Variants in DDHD1 observed in about 807,000 individuals in gnomAD.
DDHD1 encodes phospholipase DDHD1.
A neutral mutation model predicts 96.4 loss-of-function variants in DDHD1; 49 were observed. That is an observed-to-expected ratio of 0.51 (90% CI 0.40 to 0.64). The LOEUF is 0.64. Ranked by LOEUF, DDHD1 falls within the 30% of genes least tolerant of loss-of-function variation. DDHD1 has a pLI of 0.00. For synonymous variants in DDHD1, 442 were observed against 446.5 expected (o/e 0.99, Z 0.13); for missense variants, 1,106 against 1,161.2 (o/e 0.95, Z 0.69).
At chr14:53,066,341 G>A (rs1319525321) in intron 6 of DDHD1, among the ~76,000 whole-genome samples, 1 of 151,938 alleles carries the variant, frequency 6.6e-6, no homozygotes, top group Non-Finnish European at 1.5e-5. Flanking sequence ...TAGTAGAGAC[G>A]GGGTTTCACC....
chr14:53,092,963 TAA>T (rs1369697341), intron 3 of DDHD1: 1 of 162,432 alleles, frequency 6.2e-6, no homozygotes, highest in Non-Finnish European at 1.3e-5. Flanking sequence ...TCAATCCATC[TAA>T]GTCACCAGTG....
At chr14:53,061,050 T>A in intron 8 of DDHD1, 76 bp downstream of exon 8, 2 of 1,264,256 alleles carry the variant, frequency 1.6e-6, no homozygotes, top group Non-Finnish European at 1.1e-6. Flanking sequence ...TTCATTTGAA[T>A]CCTAAAGGCA....
chr14:53,067,139 G>C (rs974874463), intron 6 of DDHD1, among the ~76,000 whole-genome samples: 4 of 151,298 alleles, frequency 2.6e-5, no homozygotes, highest in African/African-American at 9.7e-5. Context: ...TGGGAGATCC[G>C]GGAAACTATT....
rs539711750 is a variant in DDHD1 at position 53,140,478 on chromosome 14, C to T, written c.838+11783G>A. Among the ~76,000 whole-genome samples, 4 of 152,304 alleles carry T rather than the reference C, an allele frequency of 2.6e-5. No individual in the cohort carries two copies. In the East Asian group the frequency reaches 5.8e-4, roughly 22 times the overall value. ...CCTGGGAGGTGGAGGTTGCAGTGAG[C>T]TGAGATTGTGCCACTGCACTCCAGC... On this transcript the variant is annotated intron_variant, in intron 1 of 12. Coordinates refer to ENST00000673822, the MANE Select transcript of DDHD1 (RefSeq NM_001160148.2).
chr14:53,102,730 C>T (rs1887401272), intron 2 of DDHD1, among the ~76,000 whole-genome samples: 1 of 151,850 alleles, frequency 6.6e-6, no homozygotes, highest in Admixed American at 6.6e-5. Context: ...AAAAAATCCC[C>T]TGCCAACTTA....
At chr14:53,092,156 G>A in intron 3 of DDHD1, 2 of 345,640 alleles carry the variant, frequency 5.8e-6, no homozygotes, top group East Asian at 8.6e-5. Flanking sequence ...AGAAATGGAA[G>A]GAAAGAAGGA....
intron 1 of DDHD1, among the ~76,000 whole-genome samples, chr14:53,135,800 C>T (rs1890194027): frequency 6.6e-6 from 1 of 152,204 alleles, no homozygotes; most frequent in Non-Finnish European, 1.5e-5. Flanking sequence ...CCTTAAATAA[C>T]TAGAAAATCA....
At chr14:53,067,182 G>A (rs1479072008) in intron 6 of DDHD1, among the ~76,000 whole-genome samples, 1 of 149,598 alleles carries the variant, frequency 6.7e-6, no homozygotes, top group Non-Finnish European at 1.5e-5. Context: ...TAAATGAGAT[G>A]GGCTCTCCCT....
intron 4 of DDHD1, among the ~76,000 whole-genome samples, chr14:53,091,038 C>A (rs1373186424): frequency 4.6e-5 from 7 of 152,078 alleles, no homozygotes; most frequent in Admixed American, 1.3e-4. Context: ...AGGACTCAAG[C>A]CTTTATAAGC....
Position 53,093,443 on chromosome 14 carries a change from A to C in DDHD1, c.1014T>G (p.Ala338=). The change falls in exon 3 of 13, where the codon GCT becomes GCG. Residue 338 remains alanine, a splice_region_variant and synonymous_variant. Coordinates refer to ENST00000673822, the MANE Select transcript of DDHD1 (RefSeq NM_001160148.2). The part of the protein sequence containing the change: ...EVSKSIDGKD[A]VHSFKLSRNH... ...TTCGACTCAACTTGAAACTATGAACAGCTATTGCAAAAAGGAAAAGCTAAT... is the reference window on the plus strand; with the variant it reads ...TTCGACTCAACTTGAAACTATGAACCGCTATTGCAAAAAGGAAAAGCTAAT... 6.2e-7 allele frequency: 1 copy of C among 1,607,054 alleles called. No individual in the cohort carries two copies. Among genetic ancestry groups the C allele is most frequent in the Non-Finnish European group, 8.5e-7 (1 of 1,178,096 alleles).
chr14:53,126,774 TTAAC>T (rs1292593852), intron 1 of DDHD1, among the ~76,000 whole-genome samples: 1 of 152,206 alleles, frequency 6.6e-6, no homozygotes, highest in East Asian at 1.9e-4. Context: ...CTAGTAAATA[TTAAC>T]TATTTGTTGA....
chr14:53,093,683 G>T, intron 2 of DDHD1: 1 of 426,842 alleles, frequency 2.3e-6, no homozygotes. Context: ...AAACCATTGA[G>T]TTACTTAACT....
intron 1 of DDHD1, among the ~76,000 whole-genome samples, chr14:53,146,573 T>G (rs1890999141): frequency 6.6e-6 from 1 of 152,058 alleles, no homozygotes; most frequent in African/African-American, 2.4e-5. Flanking sequence ...GTACATAAAA[T>G]ATAATTACTT....
In DDHD1 at chr14:53,103,893, A is replaced by T. The variant is rs1347346225; in HGVS notation, c.839-37T>A. 4 of 1,521,722 alleles carry T rather than the reference A, an allele frequency of 2.6e-6. No homozygotes were observed. In the East Asian group the frequency reaches 7.1e-5, roughly 27 times the overall value. 94.3% of individuals were successfully genotyped at this position (1,521,722 alleles called of 1,614,324 possible). On this transcript the variant is annotated intron_variant, in intron 1 of 12. Transcript: ENST00000673822. ...AAATCACAGAATTATACACATTTTA[A>T]GATTCAACTTCCCCAAAAGAGACAC...
At chr14:53,061,550 T>G (rs747041743) in intron 7 of DDHD1, among the ~76,000 whole-genome samples, 2 of 152,146 alleles carry the variant, frequency 1.3e-5, no homozygotes, top group African/African-American at 2.4e-5. Flanking sequence ...AGTTTAGAGA[T>G]CTTTTCATTT....
At chr14:53,116,538 G>A (rs1431110203) in intron 1 of DDHD1, among the ~76,000 whole-genome samples, 7 of 152,180 alleles carry the variant, frequency 4.6e-5, no homozygotes. Context: ...AGACCACAGT[G>A]CAATCAAATT....
rs560475029 is a variant in DDHD1, at chr14:53,045,105, C to A, written c.*1663G>T. On this transcript the variant is annotated 3_prime_UTR_variant, in exon 13 of 13. Transcript: ENST00000673822. ...GGAAACACCGGCTTCATGGTCATTT[C>A]TCTGAATTATGAATTGCAACTTCTG... 1.3e-5 allele frequency: 2 copies of A among 152,340 alleles called. No individual in the cohort carries two copies. Among genetic ancestry groups the A allele is most frequent in the South Asian group, 4.1e-4 (2 of 4,830 alleles). The allele number at this position is 152,340 out of a possible 1,614,324, so 9.4% of individuals were successfully genotyped here. A position where few individuals can be genotyped will look rare whatever the true frequency, so the allele number is the denominator to read the frequency against.
chr14:53,125,709 T>C (rs1268729315), intron 1 of DDHD1, among the ~76,000 whole-genome samples: 2 of 151,882 alleles, frequency 1.3e-5, no homozygotes, highest in Non-Finnish European at 2.9e-5. Context: ...TGGATTTTTT[T>C]TTTTTTTTTT....
intron 4 of DDHD1, among the ~76,000 whole-genome samples, chr14:53,089,959 T>C (rs1462479890): frequency 6.6e-6 from 1 of 152,196 alleles, no homozygotes; most frequent in African/African-American, 2.4e-5. Flanking sequence ...GGAGAAAATT[T>C]TTGCTATCTA....
Sources: gnomAD v4.1 joint callset for allele counts (sites outside exome capture counted in the v4.1 genomes callset) on GRCh38, gnomAD v4.1.1 for gene constraint, MANE v1.5 for transcripts, NCBI Gene and HGNC (gene_info 2026-07-23, HGNC 2026-07-21) for gene names.